The following COL19A1 variants were observed in gnomAD, a reference collection of about 807,000 sequenced individuals.
COL19A1 encodes the protein collagen type XIX alpha 1 chain.
In COL19A1, 159 loss-of-function variants were observed where a neutral mutation model predicts 190.2. The ratio of observed to expected loss-of-function variants is 0.84; its 90% CI spans 0.73 to 0.95. The LOEUF is 0.95. Ranked by LOEUF, COL19A1 falls within the 40% of genes least tolerant of loss-of-function variation. COL19A1 has a pLI of 0.00. For synonymous variants in COL19A1, 509 were observed against 458.9 expected (o/e 1.11, Z -1.39); for missense variants, 1,418 against 1,431.9 (o/e 0.99, Z 0.16).
chr6:69,944,239 T>A (rs1157688020), intron 9 of COL19A1, among the ~76,000 whole-genome samples: 2 of 152,164 alleles, frequency 1.3e-5, no homozygotes, highest in Non-Finnish European at 2.9e-5. Flanking sequence ...TCCTCTTACT[T>A]TGCTTAGCAC....
At chr6:70,165,903 A>G (rs1456046786) in intron 36 of COL19A1, 38 bp from the exon 37 acceptor site, 1 of 1,598,424 alleles carries the variant, frequency 6.3e-7, no homozygotes, top group African/African-American at 1.3e-5. Context: ...TGGGGTAGAA[A>G]CGTCTACGCC....
chr6:69,912,948 T>A (rs185347523), intron 4 of COL19A1, among the ~76,000 whole-genome samples: 91 of 151,998 alleles, frequency 6.0e-4, no homozygotes, highest in Non-Finnish European at 8.7e-4. Context: ...GTTAGCCAGG[T>A]ATGGTGGTGT....
At chr6:70,142,123 G>A (rs774261018) in intron 22 of COL19A1, 47 bp downstream of exon 22, 5 of 1,551,776 alleles carry the variant, frequency 3.2e-6, no homozygotes, top group South Asian at 1.1e-5. Flanking sequence ...TTTGGGAATT[G>A]TAGCCATTCT....
chr6:70,167,539 C>T (rs1423881933), intron 37 of COL19A1, among the ~76,000 whole-genome samples: 4 of 152,066 alleles, frequency 2.6e-5, no homozygotes, highest in African/African-American at 9.7e-5. Context: ...ATAATGTCAT[C>T]TCCCCATTTA....
intron 18 of COL19A1, among the ~76,000 whole-genome samples, chr6:70,130,617 G>A (rs1350706493): frequency 6.6e-6 from 1 of 152,208 alleles, no homozygotes; most frequent in African/African-American, 2.4e-5. Context: ...GCAGCAGTTG[G>A]GTTGCATCTC....
intron 4 of COL19A1, among the ~76,000 whole-genome samples, chr6:69,927,621 G>A (rs1772482663): frequency 6.6e-6 from 1 of 152,050 alleles, no homozygotes; most frequent in Non-Finnish European, 1.5e-5. Context: ...AATCTCTACT[G>A]TTTGTCAGAC....
intron 11 of COL19A1, among the ~76,000 whole-genome samples, chr6:70,005,982 T>C (rs1582665870): frequency 6.6e-6 from 1 of 152,114 alleles, no homozygotes; most frequent in East Asian, 1.9e-4. Context: ...GGGATACCTA[T>C]TGGGACCAAG....
At chr6:70,125,788 C>T (rs1050709484) in intron 17 of COL19A1, among the ~76,000 whole-genome samples, 4 of 152,096 alleles carry the variant, frequency 2.6e-5, no homozygotes, top group Non-Finnish European at 5.9e-5. Context: ...CAAGATTGTT[C>T]GCAAAGAAGC....
chr6:70,121,646 A>G (rs1251872004), intron 16 of COL19A1, among the ~76,000 whole-genome samples: 2 of 152,170 alleles, frequency 1.3e-5, no homozygotes, highest in East Asian at 1.9e-4. Context: ...AAAATGTTAC[A>G]TGCTCCCACT....
chr6:70,186,054 G>T (rs981776799), intron 46 of COL19A1, among the ~76,000 whole-genome samples: 6 of 151,936 alleles, frequency 3.9e-5, no homozygotes, highest in Non-Finnish European at 8.8e-5. Flanking sequence ...ATGCTGTCTT[G>T]TAAGTGTCTT....
chr6:70,087,666 T>C (rs1203836277), intron 15 of COL19A1, among the ~76,000 whole-genome samples: 1 of 152,190 alleles, frequency 6.6e-6, no homozygotes, highest in Non-Finnish European at 1.5e-5. Context: ...AGATACTGAC[T>C]CCTTAGGTCA....
chr6:69,933,939 G>A (rs1236812911), intron 7 of COL19A1, among the ~76,000 whole-genome samples: 1 of 151,952 alleles, frequency 6.6e-6, no homozygotes, highest in East Asian at 1.9e-4. Flanking sequence ...CATATGAAAA[G>A]TGCAAGTAAA....
intron 15 of COL19A1, 95 bp from the exon 16 acceptor site, chr6:70,102,074 A>G: frequency 9.6e-7 from 1 of 1,039,746 alleles, no homozygotes; most frequent in South Asian, 1.4e-5. Context: ...CTTTCTGTTC[A>G]TTTTTACTGT....
At chr6:70,199,781 T>C in intron 49 of COL19A1, 45 bp downstream of exon 49, 1 of 1,548,760 alleles carries the variant, frequency 6.5e-7, no homozygotes, top group African/African-American at 1.4e-5. Context: ...TTTAACTCTC[T>C]GTATTTATAA....
intron 34 of COL19A1, among the ~76,000 whole-genome samples, chr6:70,161,559 T>C (rs1267028146): frequency 1.3e-5 from 2 of 152,098 alleles, no homozygotes; most frequent in Admixed American, 1.3e-4. Flanking sequence ...TAATGGACGT[T>C]GGAGGCCCAG....
intron 4 of COL19A1, among the ~76,000 whole-genome samples, chr6:69,923,142 G>A (rs1187040634): frequency 6.6e-6 from 1 of 152,080 alleles, no homozygotes; most frequent in Non-Finnish European, 1.5e-5. Context: ...AAAGCAATAA[G>A]AACACAGGCA....
At chr6:70,025,090 G>T (rs1180873268) in intron 12 of COL19A1, among the ~76,000 whole-genome samples, 1 of 151,426 alleles carries the variant, frequency 6.6e-6, no homozygotes, top group Non-Finnish European at 1.5e-5. Flanking sequence ...AGTGGCAGTG[G>T]CATGATCTCG....
chr6:70,003,687 G>T (rs1164696460), intron 11 of COL19A1, among the ~76,000 whole-genome samples: 1 of 151,892 alleles, frequency 6.6e-6, no homozygotes, highest in Non-Finnish European at 1.5e-5. Flanking sequence ...GTCAGACTAG[G>T]ATTGCAACCC....
chr6:69,907,346 T>G (rs1272003013), intron 4 of COL19A1, among the ~76,000 whole-genome samples: 1 of 151,994 alleles, frequency 6.6e-6, no homozygotes, highest in African/African-American at 2.4e-5. Flanking sequence ...GCCAGGCTGG[T>G]CTCAAACTCC....
Sources: gnomAD v4.1 joint callset for allele counts (sites outside exome capture counted in the v4.1 genomes callset) on GRCh38, gnomAD v4.1.1 for gene constraint, MANE v1.5 for transcripts, NCBI Gene and HGNC (gene_info 2026-07-23, HGNC 2026-07-21) for gene names.